Variants in SH3GL2 observed in about 807,000 individuals in gnomAD.
SH3GL2 encodes endophilin-A1.
In SH3GL2, 24 loss-of-function variants were observed where a neutral mutation model predicts 46.0. The observed-to-expected ratio is 0.52, with a 90% CI of 0.38 to 0.73. The LOEUF is 0.73. Ranked by LOEUF, SH3GL2 falls within the 30% of genes least tolerant of loss-of-function variation. The pLI, the probability that SH3GL2 is intolerant of heterozygous loss-of-function variation, is 0.00. For synonymous variants in SH3GL2, 196 were observed against 147.1 expected (o/e 1.33, Z -2.40); for missense variants, 413 against 424.2 (o/e 0.97, Z 0.23).
chr9:17,669,924 GAAAGGGGTCCCAGAA>G (rs1459519650), intron 1 of SH3GL2, among the ~76,000 whole-genome samples: 1 of 152,150 alleles, frequency 6.6e-6, no homozygotes, highest in Admixed American at 6.5e-5. Flanking sequence ...CTCTGCTGCA[GAAAGGGGTCCCAGAA>G]AAAGGGTTGC....
At chr9:17,758,143 T>A (rs983897362) in intron 2 of SH3GL2, among the ~76,000 whole-genome samples, 10 of 152,278 alleles carry the variant, frequency 6.6e-5, no homozygotes, top group African/African-American at 2.4e-4. Context: ...ATAACACACT[T>A]AAAGAGCTCC....
At chr9:17,638,209 T>C (rs1158628450) in intron 1 of SH3GL2, among the ~76,000 whole-genome samples, 1 of 152,126 alleles carries the variant, frequency 6.6e-6, no homozygotes. Flanking sequence ...ACTGATGTTT[T>C]GCAAGATATC....
At chr9:17,766,586 G>A (rs760188012) in intron 3 of SH3GL2, among the ~76,000 whole-genome samples, 12 of 152,162 alleles carry the variant, frequency 7.9e-5, no homozygotes, top group Admixed American at 2.0e-4. Context: ...CAAGTAAAGA[G>A]AAAGATGAAA....
At chr9:17,734,690 G>C (rs991241214) in intron 1 of SH3GL2, among the ~76,000 whole-genome samples, 1 of 152,058 alleles carries the variant, frequency 6.6e-6, no homozygotes, top group African/African-American at 2.4e-5. Context: ...TGTGAAACAA[G>C]CCAGAGACAA....
chr9:17,720,720 A>G (rs1821874687), intron 1 of SH3GL2, among the ~76,000 whole-genome samples: 1 of 152,156 alleles, frequency 6.6e-6, no homozygotes, highest in Non-Finnish European at 1.5e-5. Context: ...AAGGAAACGT[A>G]AGAAAAATGA....
intron 1 of SH3GL2, among the ~76,000 whole-genome samples, chr9:17,677,632 A>ATC (rs1297716785): frequency 6.6e-6 from 1 of 151,316 alleles, no homozygotes; most frequent in African/African-American, 2.4e-5. Context: ...TGGTATATAT[A>ATC]TATATATATA....
chr9:17,708,851 G>T (rs1306978035), intron 1 of SH3GL2, among the ~76,000 whole-genome samples: 2 of 151,942 alleles, frequency 1.3e-5, no homozygotes, highest in East Asian at 1.9e-4. Context: ...GAGACTCTTT[G>T]TTACCATCGA....
intron 3 of SH3GL2, among the ~76,000 whole-genome samples, chr9:17,771,846 T>A (rs977707199): frequency 6.6e-6 from 1 of 152,118 alleles, no homozygotes; most frequent in Non-Finnish European, 1.5e-5. Flanking sequence ...ATACCATTAT[T>A]TGGGTTGAGA....
intron 1 of SH3GL2, among the ~76,000 whole-genome samples, chr9:17,739,958 A>G (rs921453143): frequency 1.3e-5 from 2 of 152,170 alleles, no homozygotes; most frequent in African/African-American, 4.8e-5. Context: ...GGAACAAAAT[A>G]GGCTGGAAGC....
intron 1 of SH3GL2, among the ~76,000 whole-genome samples, chr9:17,712,333 T>C (rs1821648069): frequency 6.6e-6 from 1 of 151,872 alleles, no homozygotes; most frequent in South Asian, 2.1e-4. Flanking sequence ...GTTCATCTAA[T>C]TTTTCACTTG....
At chr9:17,793,918 A>G (rs914454251) in intron 8 of SH3GL2, among the ~76,000 whole-genome samples, 3 of 152,254 alleles carry the variant, frequency 2.0e-5, no homozygotes, top group South Asian at 4.1e-4. Context: ...GCATTCGCAT[A>G]TAACCCACAG....
chr9:17,705,049 A>G (rs1821434414), intron 1 of SH3GL2, among the ~76,000 whole-genome samples: 1 of 143,334 alleles, frequency 7.0e-6, no homozygotes. Context: ...AAATTTACAA[A>G]CAAAAAAAAA....
chr9:17,673,871 C>A (rs537156978), intron 1 of SH3GL2, among the ~76,000 whole-genome samples: 1 of 152,268 alleles, frequency 6.6e-6, no homozygotes, highest in South Asian at 2.1e-4. Flanking sequence ...CATCTGCTGC[C>A]ATCCCAGATT....
intron 2 of SH3GL2, 150 bp from the exon 3 acceptor site, chr9:17,761,287 C>A: frequency 1.6e-6 from 1 of 643,682 alleles, no homozygotes. Context: ...GTCAGCATGA[C>A]TTCCAGCCGC....
intron 1 of SH3GL2, among the ~76,000 whole-genome samples, chr9:17,741,357 C>T (rs1176237256): frequency 2.0e-5 from 3 of 152,086 alleles, no homozygotes; most frequent in South Asian, 4.2e-4. Context: ...TGTATTTAGA[C>T]GGTAGCAAGA....
chr9:17,600,436 A>G (rs1379812472), intron 1 of SH3GL2, among the ~76,000 whole-genome samples: 1 of 152,236 alleles, frequency 6.6e-6, no homozygotes, highest in Non-Finnish European at 1.5e-5. Flanking sequence ...GAGACGGTTA[A>G]ACAGCACAGC....
intron 1 of SH3GL2, chr9:17,590,798 C>T (rs1430489277): frequency 6.6e-6 from 1 of 152,192 alleles, no homozygotes; most frequent in Non-Finnish European, 1.5e-5. Flanking sequence ...GTTTTTGAGA[C>T]AGGGTCTCAC....
chr9:17,711,898 A>G (rs1821635106), intron 1 of SH3GL2, among the ~76,000 whole-genome samples: 1 of 151,856 alleles, frequency 6.6e-6, no homozygotes, highest in Admixed American at 6.6e-5. Context: ...CAACAGTTCT[A>G]CAAAGTGGTT....
intron 1 of SH3GL2, among the ~76,000 whole-genome samples, chr9:17,685,945 A>G (rs1174115286): frequency 1.3e-5 from 2 of 150,320 alleles, no homozygotes; most frequent in Non-Finnish European, 3.0e-5. Flanking sequence ...GACAAATGGG[A>G]TCTAATTAAA....
Sources: gnomAD v4.1 joint callset for allele counts (sites outside exome capture counted in the v4.1 genomes callset) on GRCh38, gnomAD v4.1.1 for gene constraint, MANE v1.5 for transcripts, NCBI Gene and HGNC (gene_info 2026-07-23, HGNC 2026-07-21) for gene names.